Variants in PPP1R9A observed in about 807,000 individuals in gnomAD.
The protein encoded by PPP1R9A is protein phosphatase 1 regulatory subunit 9A.
In PPP1R9A, 59 loss-of-function variants were observed where a neutral mutation model predicts 141.9. That is an observed-to-expected ratio of 0.42 (90% CI 0.34 to 0.52). PPP1R9A has a LOEUF of 0.52. Ranked by LOEUF, PPP1R9A falls within the 20% of genes least tolerant of loss-of-function variation. PPP1R9A has a pLI of 0.10. For synonymous variants in PPP1R9A, 500 were observed against 569.7 expected, an observed-to-expected ratio of 0.88 and a Z score of 1.74; for missense variants, 1,444 against 1,611.9, an observed-to-expected ratio of 0.90 and a Z score of 1.78.
At chr7:95,289,287 T>C (rs911848082) in intron 19 of PPP1R9A, among the ~76,000 whole-genome samples, 5 of 152,176 alleles carry the variant, frequency 3.3e-5, no homozygotes, top group African/African-American at 1.2e-4. Context: ...AAAAGGTGCT[T>C]ACAGCCAACT....
intron 5 of PPP1R9A, among the ~76,000 whole-genome samples, chr7:95,183,326 G>T (rs942281172): frequency 3.3e-5 from 5 of 151,796 alleles, no homozygotes; most frequent in African/African-American, 1.2e-4. Context: ...TTTTAGTAAA[G>T]ATGGGGTTTC....
chr7:94,944,907 C>T (rs1351383915), intron 2 of PPP1R9A, among the ~76,000 whole-genome samples: 2 of 151,768 alleles, frequency 1.3e-5, no homozygotes, highest in Non-Finnish European at 2.9e-5. Flanking sequence ...CCAGATTCAC[C>T]AGCTAGTTCC....
At chr7:95,177,985 A>AAG (rs1284529783) in intron 5 of PPP1R9A, among the ~76,000 whole-genome samples, 1 of 152,188 alleles carries the variant, frequency 6.6e-6, no homozygotes, top group African/African-American at 2.4e-5. Flanking sequence ...TCAAGACTGA[A>AAG]AGTCAACAAA....
intron 7 of PPP1R9A, among the ~76,000 whole-genome samples, chr7:95,216,042 T>A (rs570652383): frequency 6.6e-6 from 1 of 152,364 alleles, no homozygotes; most frequent in African/African-American, 2.4e-5. Flanking sequence ...CATGAAGTCC[T>A]TGCCCATGCC....
At chr7:95,053,596 GA>G (rs1406966913) in intron 2 of PPP1R9A, among the ~76,000 whole-genome samples, 1 of 152,236 alleles carries the variant, frequency 6.6e-6, no homozygotes, top group African/African-American at 2.4e-5. Flanking sequence ...TATGATGGGA[GA>G]GGGGGATGAA....
Position 95,106,930 on chromosome 7 carries a change from C to T in PPP1R9A, c.1396-4329C>T, listed in dbSNP as rs540594506. 2.8e-4 allele frequency among the ~76,000 whole-genome samples: 43 copies of T among 151,972 alleles called. No homozygotes were observed. In the South Asian group the frequency reaches 5.8e-3, roughly 21 times the overall value. On this transcript the variant is annotated intron_variant, in intron 2 of 19. Coordinates refer to ENST00000433360, the MANE Select transcript of PPP1R9A (RefSeq NM_001166160.2). ...TTCTGCCACAGCCTCCCGAGGTGCA[C>T]GCCACCACGCCCAGTTAATTGTTGT...
At chr7:95,026,560 G>A (rs779088092) in intron 2 of PPP1R9A, among the ~76,000 whole-genome samples, 7 of 152,292 alleles carry the variant, frequency 4.6e-5, no homozygotes, top group Non-Finnish European at 8.8e-5. Context: ...AGGTGTCAGC[G>A]ACCTACTTGA....
chr7:95,278,391 T>C lies in PPP1R9A; in HGVS notation c.3296+4223T>C, dbSNP rs560645874. Reference sequence around the variant, plus strand: ...TTACATGTCAAAATAATATTTTGGGTTTGGAGGGTAAATAAAATGTATTAT... The same window carrying C: ...TTACATGTCAAAATAATATTTTGGGCTTGGAGGGTAAATAAAATGTATTAT... On this transcript the variant is annotated intron_variant, in intron 16 of 19. Coordinates refer to ENST00000433360, the MANE Select transcript of PPP1R9A (RefSeq NM_001166160.2). Among the ~76,000 whole-genome samples the C allele has an allele frequency of 8.2e-4, 125 of 152,288 alleles. 1 individual carries two copies. The highest frequency in any genetic ancestry group is 1.7e-3 in the South Asian group (8 of 4,822).
At position 95,129,227 on chromosome 7, in the gene PPP1R9A, ATGT is replaced by A. The variant is rs1414597859; in HGVS notation, c.1649+8399_1649+8401del. Among the ~76,000 whole-genome samples the A allele has an allele frequency of 3.9e-5, 6 of 152,246 alleles. No individual in the cohort carries two copies. In the East Asian group the frequency reaches 7.7e-4, roughly 20 times the overall value. Reference sequence around the variant, plus strand: ...GAATTGTAAGTCCCACAGTTCCCACATGTTGTGGGAGGAACCTGGTGGGAGGTG... The same window carrying A: ...GAATTGTAAGTCCCACAGTTCCCACATGTGGGAGGAACCTGGTGGGAGGTG... On this transcript the variant is annotated intron_variant, in intron 4 of 19. Coordinates refer to ENST00000433360, the MANE Select transcript of PPP1R9A (RefSeq NM_001166160.2).
intron 7 of PPP1R9A, among the ~76,000 whole-genome samples, chr7:95,220,182 G>T (rs1422418386): frequency 6.6e-6 from 1 of 152,014 alleles, no homozygotes. Context: ...GCAGAGAGAG[G>T]GATGTTTTTG....
chr7:94,984,070 T>C (rs932967563), intron 2 of PPP1R9A, among the ~76,000 whole-genome samples: 3 of 152,144 alleles, frequency 2.0e-5, no homozygotes, highest in African/African-American at 4.8e-5. Flanking sequence ...AAGGCCTTTT[T>C]TGCATCTATT....
intron 12 of PPP1R9A, among the ~76,000 whole-genome samples, chr7:95,259,775 G>A (rs1034331753): frequency 1.3e-5 from 2 of 152,144 alleles, no homozygotes; most frequent in Admixed American, 6.6e-5. Flanking sequence ...TGCTTGCACT[G>A]CATTATCAGG....
At chr7:95,153,442 A>G (rs1007910034) in intron 4 of PPP1R9A, among the ~76,000 whole-genome samples, 2 of 152,214 alleles carry the variant, frequency 1.3e-5, no homozygotes, top group Non-Finnish European at 2.9e-5. Flanking sequence ...TATGGATATC[A>G]TTAGCTTATC....
At chr7:94,912,927 A>G (rs1453247567) in intron 2 of PPP1R9A, among the ~76,000 whole-genome samples, 3 of 151,772 alleles carry the variant, frequency 2.0e-5, no homozygotes, top group Non-Finnish European at 4.4e-5. Context: ...CCTACTCTAG[A>G]TGGTCTTTAA....
At chr7:94,993,605 C>CT (rs918996551) in intron 2 of PPP1R9A, among the ~76,000 whole-genome samples, 56 of 151,398 alleles carry the variant, frequency 3.7e-4, no homozygotes, top group African/African-American at 7.5e-4. Context: ...ATCTTACACA[C>CT]TTTTTTTTTG....
At chr7:95,047,075 A>G (rs567634205) in intron 2 of PPP1R9A, among the ~76,000 whole-genome samples, 2 of 152,356 alleles carry the variant, frequency 1.3e-5, no homozygotes, top group Non-Finnish European at 2.9e-5. Context: ...GGGACCAGTT[A>G]GAGCTCTCCA....
chr7:95,102,342 T>G (rs1818899416), intron 2 of PPP1R9A, among the ~76,000 whole-genome samples: 1 of 152,200 alleles, frequency 6.6e-6, no homozygotes, highest in African/African-American at 2.4e-5. Context: ...ATGCTTTTAG[T>G]TAACTTACCA....
rs558376371 is a variant in PPP1R9A, at chr7:95,265,223, A to C, written c.2666-3327A>C. Among the ~76,000 whole-genome samples, 4 of 152,318 alleles carry C rather than the reference A, an allele frequency of 2.6e-5. No individual in the cohort carries two copies. In the South Asian group the frequency reaches 8.3e-4, roughly 32 times the overall value. On this transcript the variant is annotated intron_variant, in intron 12 of 19. Transcript: ENST00000433360. ...TTTGTTGGGAACATAAAGTAAGACC[A>C]AAAAGAGGACTCAAAGAAGGCAGAA...
intron 4 of PPP1R9A, among the ~76,000 whole-genome samples, chr7:95,143,146 C>A (rs1827001764): frequency 6.6e-6 from 1 of 152,006 alleles, no homozygotes; most frequent in Non-Finnish European, 1.5e-5. Flanking sequence ...TATATAGCTG[C>A]CCATATTATT....
Sources: gnomAD v4.1 joint callset for allele counts (sites outside exome capture counted in the v4.1 genomes callset) on GRCh38, gnomAD v4.1.1 for gene constraint, MANE v1.5 for transcripts, NCBI Gene and HGNC (gene_info 2026-07-23, HGNC 2026-07-21) for gene names.